The following THRB variants were observed in gnomAD, a reference collection of about 807,000 sequenced individuals.
THRB encodes nuclear receptor subfamily 1 group A member 2.
Under a neutral mutation model 47.8 loss-of-function variants are expected in THRB, and 12 were observed. The ratio of observed to expected loss-of-function variants is 0.25; its 90% CI spans 0.16 to 0.41. The LOEUF is 0.41. Among genes scored for constraint, THRB ranks in the 10% least tolerant of loss-of-function variants. The pLI is 1.00. For synonymous variants in THRB, 218 were observed against 212.2 expected (o/e 1.03, Z -0.24); for missense variants, 348 against 589.2 (o/e 0.59, Z 4.24).
chr3:24,383,285 G>C (rs1254439862), intron 1 of THRB, among the ~76,000 whole-genome samples: 2 of 152,042 alleles, frequency 1.3e-5, no homozygotes, highest in East Asian at 3.9e-4. Context: ...CTATTTACCT[G>C]TTTGTCCATC....
intron 1 of THRB, among the ~76,000 whole-genome samples, chr3:24,445,701 A>T (rs902075651): frequency 2.0e-5 from 3 of 152,190 alleles, no homozygotes; most frequent in African/African-American, 7.2e-5. Flanking sequence ...CTTTGGCCAC[A>T]TCGATGAAGA....
intron 4 of THRB, among the ~76,000 whole-genome samples, chr3:24,200,925 T>C (rs1191989911): frequency 6.6e-6 from 1 of 152,146 alleles, no homozygotes; most frequent in African/African-American, 2.4e-5. Context: ...TTTTATGAAA[T>C]GGGCCTTAGT....
intron 1 of THRB, among the ~76,000 whole-genome samples, chr3:24,410,786 A>T (rs921148990): frequency 6.6e-6 from 1 of 151,858 alleles, no homozygotes; most frequent in Admixed American, 6.6e-5. Context: ...TACCTTCTAA[A>T]ACTGCAGCTA....
chr3:24,470,418 T>C (rs1430604806), intron 1 of THRB, among the ~76,000 whole-genome samples: 1 of 152,302 alleles, frequency 6.6e-6, no homozygotes, highest in Non-Finnish European at 1.5e-5. Flanking sequence ...AGTTCCACCA[T>C]GTACTAGCTA....
At chr3:24,285,270 A>G (rs942032993) in intron 3 of THRB, among the ~76,000 whole-genome samples, 1 of 152,052 alleles carries the variant, frequency 6.6e-6, no homozygotes, top group Non-Finnish European at 1.5e-5. Flanking sequence ...GGATGAGTTC[A>G]TGTCCTTTGT....
intron 1 of THRB, among the ~76,000 whole-genome samples, chr3:24,359,183 A>G (rs1020611924): frequency 6.6e-6 from 1 of 152,080 alleles, no homozygotes; most frequent in African/African-American, 2.4e-5. Flanking sequence ...AATTAAGGAT[A>G]CTCAGTGAAG....
At chr3:24,359,100 C>T (rs931533869) in intron 1 of THRB, among the ~76,000 whole-genome samples, 2 of 152,244 alleles carry the variant, frequency 1.3e-5, no homozygotes, top group South Asian at 2.1e-4. Flanking sequence ...ACTTTTATCA[C>T]GTCTGATGAT....
intron 1 of THRB, among the ~76,000 whole-genome samples, chr3:24,478,512 GA>G (rs746835248): frequency 4.3e-4 from 66 of 152,134 alleles, no homozygotes; most frequent in Non-Finnish European, 2.4e-4. Context: ...AGGCAGAAGT[GA>G]AAAGTGGAAT....
At chr3:24,390,920 T>G (rs1157826412) in intron 1 of THRB, among the ~76,000 whole-genome samples, 1 of 152,036 alleles carries the variant, frequency 6.6e-6, no homozygotes, top group Admixed American at 6.6e-5. Context: ...TGCCAGGTAT[T>G]GCTGGGATGA....
chr3:24,262,380 T>A (rs1424607703), intron 3 of THRB, among the ~76,000 whole-genome samples: 1 of 152,176 alleles, frequency 6.6e-6, no homozygotes, highest in African/African-American at 2.4e-5. Flanking sequence ...TTATGTCCCA[T>A]GACTCCACAG....
At chr3:24,200,689 T>C (rs1458494327) in intron 4 of THRB, among the ~76,000 whole-genome samples, 2 of 152,156 alleles carry the variant, frequency 1.3e-5, no homozygotes, top group Admixed American at 6.5e-5. Flanking sequence ...AAAAAATAAA[T>C]AGGATCAAGA....
chr3:24,172,971 G>A (rs1056255110), intron 5 of THRB, among the ~76,000 whole-genome samples: 2 of 152,162 alleles, frequency 1.3e-5, no homozygotes, highest in Non-Finnish European at 2.9e-5. Flanking sequence ...GGATGAGCAA[G>A]TTAAAAAGAA....
chr3:24,481,427 G>A (rs1405354852), intron 1 of THRB, among the ~76,000 whole-genome samples: 1 of 151,698 alleles, frequency 6.6e-6, no homozygotes, highest in African/African-American at 2.4e-5. Context: ...GCATGTGGTT[G>A]GTCAAAACAT....
At chr3:24,373,085 A>T (rs7642682) in intron 1 of THRB, among the ~76,000 whole-genome samples, 34,357 of 151,920 alleles carry the variant, frequency 0.23, 4,228 homozygotes, top group Middle Eastern at 0.32. Flanking sequence ...TTTGTATTCC[A>T]CTGTTTTACA....
intron 1 of THRB, among the ~76,000 whole-genome samples, chr3:24,467,066 T>C (rs527642987): frequency 6.6e-6 from 1 of 152,378 alleles, no homozygotes; most frequent in South Asian, 2.1e-4. Flanking sequence ...CAACTAAGTT[T>C]ATGGAATATT....
intron 4 of THRB, among the ~76,000 whole-genome samples, chr3:24,219,418 G>A (rs1307002835): frequency 6.6e-6 from 1 of 152,228 alleles, no homozygotes; most frequent in Non-Finnish European, 1.5e-5. Flanking sequence ...GCCTTGGAGT[G>A]CAGGCCTGAA....
At chr3:24,263,894 A>G (rs1292505606) in intron 3 of THRB, among the ~76,000 whole-genome samples, 1 of 152,212 alleles carries the variant, frequency 6.6e-6, no homozygotes, top group Non-Finnish European at 1.5e-5. Context: ...GTCCTATGTC[A>G]TCATCCAAAG....
chr3:24,290,324 C>T (rs146548172), intron 3 of THRB, among the ~76,000 whole-genome samples: 6 of 152,290 alleles, frequency 3.9e-5, no homozygotes, highest in Admixed American at 3.9e-4. Flanking sequence ...GGAGTGTCTG[C>T]CTGCCATGTT....
At chr3:24,407,905 G>A (rs756901470) in intron 1 of THRB, among the ~76,000 whole-genome samples, 1 of 151,728 alleles carries the variant, frequency 6.6e-6, no homozygotes, top group Non-Finnish European at 1.5e-5. Flanking sequence ...CACTCATGAG[G>A]GAATTCATGG....
Sources: allele counts gnomAD v4.1 joint callset (sites outside exome capture counted in the v4.1 genomes callset), GRCh38; gene constraint gnomAD v4.1.1; transcripts MANE v1.5; gene names NCBI Gene and HGNC (gene_info 2026-07-23, HGNC 2026-07-21).